USP47: variants seen among roughly 807,000 people sequenced by gnomAD.
USP47 encodes ubiquitin carboxyl-terminal hydrolase 47.
USP47 carries 35 observed loss-of-function variants against 165.1 expected under a neutral mutation model. The observed-to-expected ratio is 0.21, with a 90% CI of 0.16 to 0.28. USP47 has a LOEUF of 0.28. Ranked by LOEUF, USP47 falls within the 10% of genes least tolerant of loss-of-function variation. The pLI, the probability that USP47 is intolerant of heterozygous loss-of-function variation, is 1.00. For missense variants in USP47, 1,277 were observed against 1,607.4 expected (o/e 0.79, Z 3.52); for synonymous variants, 531 against 544.5 (o/e 0.98, Z 0.35).
chr11:11,956,076 C>A lies in USP47; in HGVS notation c.3969C>A (p.Leu1323=). 6.2e-7 allele frequency: 1 copy of A among 1,609,446 alleles called. No homozygotes were observed. Among genetic ancestry groups the A allele is most frequent in the Non-Finnish European group, 8.5e-7 (1 of 1,178,602 alleles). ...NELMKKESSR[L]QKTGHRVTYS... ...TGATGAAAAAAGAAAGCAGTCGACT[C>A]CAGAAGACTGGACATCGTGTAACAT... Residue 1323 remains leucine, a synonymous_variant, in exon 28 of 28, where the codon CTC becomes CTA. Transcript: ENST00000527733.
intron 4 of USP47, among the ~76,000 whole-genome samples, 185 bp downstream of exon 4, chr11:11,892,291 C>T (rs187752273): frequency 6.6e-6 from 1 of 151,746 alleles, no homozygotes; most frequent in East Asian, 1.9e-4. Flanking sequence ...CTCGTTTCTA[C>T]TATATTGCTG....
At chr11:11,880,518 T>C in intron 2 of USP47, 138 bp downstream of exon 2, 1 of 553,434 alleles carries the variant, frequency 1.8e-6, no homozygotes, top group Admixed American at 4.4e-5. Context: ...TATGTGCAGC[T>C]CAGTAATTGG....
In USP47 at chr11:11,920,439, G is replaced by A. The variant is rs771588511; in HGVS notation, c.1163G>A (p.Arg388Gln). 26 of 1,610,410 alleles carry A rather than the reference G, an allele frequency of 1.6e-5. No homozygotes were observed. In the East Asian group the frequency reaches 2.7e-4, roughly 17 times the overall value. ...TTMHRIKLND[R>Q]MTFPEELDMS... ...ATGCATAGGATTAAACTGAATGATCGAATGACATTTCCCGAGGAACTAGAT... is the reference window on the plus strand; with the variant it reads ...ATGCATAGGATTAAACTGAATGATCAAATGACATTTCCCGAGGAACTAGAT... The change falls in exon 10 of 28, where the codon CGA becomes CAA. Residue 388 changes from arginine (R) to glutamine (Q), a missense_variant. Arg to Gln is a conservative substitution (Grantham distance 43). Around this residue, in one of 4 missense-constraint regions of USP47, gnomAD observed 175 missense variants for 295.8 expected, o/e 0.59. Coordinates refer to ENST00000527733, the MANE Select transcript of USP47 (RefSeq NM_001282659.2).
At chr11:11,919,229 T>C (rs566548620) in intron 8 of USP47, among the ~76,000 whole-genome samples, 1 of 152,154 alleles carries the variant, frequency 6.6e-6, no homozygotes, top group South Asian at 2.1e-4. Context: ...ATTAAGCTCC[T>C]TTATCTTTTG....
intron 3 of USP47, 61 bp from the exon 4 acceptor site, chr11:11,891,907 G>A: frequency 6.4e-7 from 1 of 1,560,294 alleles, no homozygotes; most frequent in Non-Finnish European, 8.7e-7. Flanking sequence ...AGGAAATGGT[G>A]AATGCTGTTG....
At chr11:11,865,997 T>C (rs1268962746) in intron 1 of USP47, among the ~76,000 whole-genome samples, 2 of 152,194 alleles carry the variant, frequency 1.3e-5, no homozygotes, top group African/African-American at 4.8e-5. Context: ...CCCTTTGATG[T>C]ACAAAAGTTT....
intron 22 of USP47, 197 bp downstream of exon 22, chr11:11,948,755 A>G (rs1856021487): frequency 2.1e-6 from 1 of 487,742 alleles, no homozygotes; most frequent in African/African-American, 1.9e-5. Context: ...AGCCATAGAC[A>G]ATAATAAGCC....
chr11:11,852,008 T>C (rs1274782248), intron 1 of USP47, among the ~76,000 whole-genome samples: 1 of 152,212 alleles, frequency 6.6e-6, no homozygotes, highest in Admixed American at 6.5e-5. Flanking sequence ...TTCTCCACTG[T>C]GAAGTTACTA....
chr11:11,861,235 C>A (rs994114394), intron 1 of USP47, among the ~76,000 whole-genome samples: 3 of 152,152 alleles, frequency 2.0e-5, no homozygotes, highest in African/African-American at 7.2e-5. Context: ...GCTGGAATTA[C>A]AGGCATGTGC....
intron 14 of USP47, 70 bp from the exon 15 acceptor site, chr11:11,932,934 A>T: frequency 8.9e-7 from 1 of 1,120,832 alleles, no homozygotes; most frequent in Non-Finnish European, 1.3e-6. Context: ...ATGAGAGCAT[A>T]GTGAAGCAGG....
chr11:11,958,723 G>C lies in USP47; in HGVS notation c.*2548G>C, dbSNP rs964800549. On this transcript the variant is annotated 3_prime_UTR_variant, in exon 28 of 28. Coordinates refer to ENST00000527733, the MANE Select transcript of USP47 (RefSeq NM_001282659.2). ...TTTCTAAGGCGGGCACTCAAGGTGA[G>C]GGGTGCATTCTGGCCAAAGAAACAA... 2.0e-5 allele frequency: 3 copies of C among 152,284 alleles called. No homozygotes were observed. The highest frequency in any genetic ancestry group is 4.4e-5 in the Non-Finnish European group (3 of 68,094). The allele number at this position is 152,284 out of a possible 1,614,324, so 9.4% of individuals were successfully genotyped here.
chr11:11,922,031 T>C (rs1216206703), intron 10 of USP47, among the ~76,000 whole-genome samples: 3 of 151,922 alleles, frequency 2.0e-5, no homozygotes, highest in Admixed American at 1.3e-4. Context: ...TTCAAAAGCC[T>C]GCATCTTAGA....
chr11:11,918,688 G>T (rs1270015816), intron 8 of USP47, among the ~76,000 whole-genome samples: 1 of 151,866 alleles, frequency 6.6e-6, no homozygotes, highest in Non-Finnish European at 1.5e-5. Flanking sequence ...TTTTCTCCAA[G>T]TTTTAATTTT....
intron 23 of USP47, 69 bp downstream of exon 23, chr11:11,950,073 GA>G (rs1856117408): frequency 1.7e-6 from 2 of 1,170,278 alleles, no homozygotes; most frequent in Admixed American, 4.6e-5. Context: ...GGACTGGTAT[GA>G]TTTTCTAAAA....
intron 8 of USP47, among the ~76,000 whole-genome samples, chr11:11,916,366 A>C (rs1441148218): frequency 6.6e-6 from 1 of 152,180 alleles, no homozygotes; most frequent in African/African-American, 2.4e-5. Context: ...AACTGTTGTC[A>C]CTCTGGAATT....
In USP47 at chr11:11,922,739, G is replaced by C; in HGVS notation, c.1234G>C (p.Glu412Gln). The C allele has an allele frequency of 6.2e-7, 1 of 1,609,522 alleles. No homozygotes were observed. The highest frequency in any genetic ancestry group is 8.5e-7 in the Non-Finnish European group (1 of 1,177,170). ...TCTTATTAAGAAATCTCCTCAGACT[G>C]AAAGTTGCACTGACAGTGGAGCAGA... The part of the protein sequence containing the change: ...DVEDEKSPQT[E>Q]SCTDSGAENE... Residue 412 changes from glutamate to glutamine, a missense_variant, in exon 11 of 28, where the codon GAA (glutamate) becomes CAA (glutamine). By Grantham distance (29) the Glu-to-Gln change is conservative (BLOSUM62 2). This residue lies in a region of USP47 where 175 missense variants were observed against 295.8 expected (regional missense o/e 0.59). Coordinates refer to ENST00000527733, the MANE Select transcript of USP47 (RefSeq NM_001282659.2).
intron 8 of USP47, among the ~76,000 whole-genome samples, chr11:11,913,894 C>G (rs1385912593): frequency 6.6e-6 from 1 of 151,674 alleles, no homozygotes; most frequent in African/African-American, 2.4e-5. Context: ...TATTATGTGT[C>G]AAAAAAACTT....
intron 1 of USP47, among the ~76,000 whole-genome samples, chr11:11,875,391 T>A (rs1418047493): frequency 1.3e-5 from 2 of 152,116 alleles, no homozygotes; most frequent in African/African-American, 4.8e-5. Context: ...AGAACTCAGA[T>A]TTGAGCTTAA....
At chr11:11,860,435 A>G (rs1461352478) in intron 1 of USP47, among the ~76,000 whole-genome samples, 1 of 152,132 alleles carries the variant, frequency 6.6e-6, no homozygotes, top group South Asian at 2.1e-4. Context: ...ACCATAGATC[A>G]CTCTAATAGG....
Sources: allele counts gnomAD v4.1 joint callset (sites outside exome capture counted in the v4.1 genomes callset), GRCh38; gene constraint gnomAD v4.1.1; regional missense constraint gnomAD v4.1.1; transcripts MANE v1.5; gene names NCBI Gene and HGNC (gene_info 2026-07-23, HGNC 2026-07-21).